VWDE: variants seen among roughly 807,000 people sequenced by gnomAD.
The protein encoded by VWDE is von Willebrand factor D and EGF domains, also known as von Willebrand factor D and EGF domain-containing protein.
A neutral mutation model predicts 178.4 loss-of-function variants in VWDE; 207 were observed. The ratio of observed to expected loss-of-function variants is 1.16; its 90% CI spans 1.04 to 1.30. The LOEUF is 1.30. Among genes scored for constraint, VWDE ranks in the 50% most tolerant of loss-of-function variants. VWDE has a pLI of 0.00. For synonymous variants in VWDE, 738 were observed against 651.4 expected (o/e 1.13, Z -2.02); for missense variants, 2,287 against 1,901.3 (o/e 1.20, Z -3.77).
In VWDE at chr7:12,403,543, G is replaced by A. The variant is rs1009246837; in HGVS notation, c.58+116C>T. ...GGCGGGTGAGGAACAAACATCGCTT[G>A]CTGCCTTAAAACGCACAGGGACGCT... On this transcript the variant is annotated intron_variant, in intron 1 of 28. Transcript: ENST00000275358. 20 of 959,058 alleles carry A rather than the reference G, an allele frequency of 2.1e-5. No homozygotes were observed. In the South Asian group the frequency reaches 3.6e-4, roughly 17 times the overall value. 59.4% of individuals were successfully genotyped at this position (959,058 alleles called of 1,614,324 possible).
Position 12,336,382 on chromosome 7 carries a change from AC to A in VWDE, c.4559-147del, listed in dbSNP as rs1267599473. On this transcript the variant is annotated intron_variant, in intron 26 of 28. Transcript: ENST00000275358. ...ATTTTTCCCTAATATTTTATCAAGA[AC>A]ATTTTTGAATGTCACTACATATTCT... 1.2e-5 allele frequency: 8 copies of A among 667,696 alleles called. No individual in the cohort carries two copies. The Admixed American group carries it at 2.6e-4, about 22-fold the overall frequency. 41.4% of individuals were successfully genotyped at this position (667,696 alleles called of 1,614,324 possible). A position where few individuals can be genotyped will look rare whatever the true frequency, so the allele number is the denominator to read the frequency against.
intron 10 of VWDE, among the ~76,000 whole-genome samples, chr7:12,371,108 C>T (rs1455226881): frequency 6.6e-6 from 1 of 151,956 alleles, no homozygotes; most frequent in Non-Finnish European, 1.5e-5. Context: ...ATATTGCTTG[C>T]AACTTCTTTA....
intron 10 of VWDE, among the ~76,000 whole-genome samples, 176 bp from the exon 11 acceptor site, chr7:12,371,040 G>T (rs1194422746): frequency 2.0e-5 from 3 of 151,722 alleles, no homozygotes; most frequent in Non-Finnish European, 4.4e-5. Context: ...TCAAAATATG[G>T]GTTTTTGCAT....
intron 3 of VWDE, among the ~76,000 whole-genome samples, chr7:12,386,092 A>T (rs1237260760): frequency 1.3e-5 from 2 of 152,118 alleles, no homozygotes; most frequent in Non-Finnish European, 2.9e-5. Flanking sequence ...TTAGTTGTCA[A>T]TGTTTCTTAA....
rs1782556389 is a variant in VWDE, at chr7:12,361,203, A to G, written c.3103T>C (p.Tyr1035His). Residue 1035 changes from tyrosine (Y) to histidine (H), a missense_variant, in exon 15 of 29, where the codon TAT (tyrosine) becomes CAT (histidine). Tyr to His is a moderately conservative substitution (Grantham distance 83). Coordinates refer to ENST00000275358, the MANE Select transcript of VWDE (RefSeq NM_001135924.3). ...KFSNPKITVI[Y>H]DGACQVCGLY... ...CCACAAACTTGGCAAGCACCATCAT[A>G]TATGACCGTTATTTTGGGATTACTG... 2.6e-6 allele frequency: 4 copies of G among 1,548,394 alleles called. No individual in the cohort carries two copies. The highest frequency in any genetic ancestry group is 2.5e-5 in the East Asian group (1 of 40,786).
intron 7 of VWDE, among the ~76,000 whole-genome samples, chr7:12,375,987 T>C (rs1562501596): frequency 6.6e-6 from 1 of 152,066 alleles, no homozygotes; most frequent in African/African-American, 2.4e-5. Flanking sequence ...TCCAAAGTCC[T>C]CCTAAGAATC....
In VWDE at chr7:12,351,611, C is replaced by T. The variant is rs993598327; in HGVS notation, c.3848G>A (p.Arg1283Lys). ...KEEDDKNAQG[R>K]KRHVKPTSGN... is the part of the protein sequence containing the mutation. ...ACTTGTTGGCTTAACATGCCTCTTT[C>T]TCCCTTGGGCATTTTTATCATCCTC... Residue 1283 changes from arginine to lysine, a missense_variant, in exon 19 of 29, where the codon AGA becomes AAA. Transcript: ENST00000275358. 3 of 1,549,894 alleles carry T rather than the reference C, an allele frequency of 1.9e-6. No individual in the cohort carries two copies. The highest frequency in any genetic ancestry group is 1.4e-5 in the African/African-American group (1 of 72,916).
chr7:12,367,602 A>G (rs1462380647), intron 12 of VWDE, 109 bp from the exon 13 acceptor site: 1 of 948,480 alleles, frequency 1.1e-6, no homozygotes, highest in Admixed American at 3.3e-5. Flanking sequence ...AATATTTTAA[A>G]GTATACCTAA....
Position 12,351,650 on chromosome 7 carries a change from C to T in VWDE, c.3809G>A (p.Ser1270Asn). ...TTTATCATCCTCTTCTTTATTTACA[C>T]TTTTATCAGATCTTGTGAGAACCAC... ...QTVVLTRSDK[S>N]VNKEEDDKNA... is the part of the protein sequence containing the mutation. Residue 1270 changes from serine to asparagine, a missense_variant, in exon 19 of 29, where the codon AGT (serine) becomes AAT (asparagine). By Grantham distance (46) the Ser-to-Asn change is conservative (BLOSUM62 1). Coordinates refer to ENST00000275358, the MANE Select transcript of VWDE (RefSeq NM_001135924.3). The T allele has an allele frequency of 6.5e-7, 1 of 1,550,342 alleles. No homozygotes were observed. Among genetic ancestry groups the T allele is most frequent in the Non-Finnish European group, 8.7e-7 (1 of 1,146,362 alleles).
chr7:12,400,140 T>A (rs894955985), intron 1 of VWDE, among the ~76,000 whole-genome samples: 1 of 152,086 alleles, frequency 6.6e-6, no homozygotes. Context: ...AACATCAAGT[T>A]AACCTTGCAC....
At chr7:12,399,145 A>C (rs1017772140) in intron 1 of VWDE, among the ~76,000 whole-genome samples, 11 of 152,194 alleles carry the variant, frequency 7.2e-5, no homozygotes, top group Non-Finnish European at 1.3e-4. Flanking sequence ...AGTTTGCTAA[A>C]TCACTTTACA....
At chr7:12,394,083 G>A (rs1240483202) in intron 1 of VWDE, among the ~76,000 whole-genome samples, 1 of 152,162 alleles carries the variant, frequency 6.6e-6, no homozygotes, top group African/African-American at 2.4e-5. Flanking sequence ...TCTTGAGTTA[G>A]GATGTCAAGT....
chr7:12,377,507 C>G (rs557134255), intron 7 of VWDE: 1 of 231,166 alleles, frequency 4.3e-6, no homozygotes, highest in Non-Finnish European at 8.2e-6. Context: ...AAAAGAGGAG[C>G]GAGAGGAAAA....
chr7:12,367,283 C>T lies in VWDE; in HGVS notation c.2898+74G>A, dbSNP rs1381392369. ...GGATTTATGTTGCTAATTGATAGAC[C>T]GAATTAATCCAAGATAATATTAATC... On this transcript the variant is annotated intron_variant, in intron 13 of 28. Coordinates refer to ENST00000275358, the MANE Select transcript of VWDE (RefSeq NM_001135924.3). 9.8e-6 allele frequency: 12 copies of T among 1,222,844 alleles called. No homozygotes were observed. The East Asian group carries it at 1.2e-4, about 12-fold the overall frequency. 75.7% of individuals were successfully genotyped at this position (1,222,844 alleles called of 1,614,324 possible).
rs137968079 is a variant in VWDE at position 12,361,596 on chromosome 7, A to C, written c.2899-75T>G. ...TTTTGTTAGTAAATTACATATAATG[A>C]AAACATAAATTTTAAAATATATGCC... On this transcript the variant is annotated intron_variant, in intron 13 of 28. Transcript: ENST00000275358. 4.0e-3 allele frequency: 5,476 copies of C among 1,358,900 alleles called. 13 individuals are homozygous for C. The highest frequency in any genetic ancestry group is 4.9e-3 in the Non-Finnish European group (5,051 of 1,024,216). The allele number at this position is 1,358,900 out of a possible 1,614,324, so 84.2% of individuals were successfully genotyped here. A position where few individuals can be genotyped will look rare whatever the true frequency, so the allele number is the denominator to read the frequency against.
At chr7:12,403,257 G>A (rs1784996266) in intron 1 of VWDE, among the ~76,000 whole-genome samples, 1 of 152,108 alleles carries the variant, frequency 6.6e-6, no homozygotes, top group Admixed American at 6.6e-5. Flanking sequence ...GGTTGGAGGT[G>A]GAATTCGTGC....
intron 24 of VWDE, among the ~76,000 whole-genome samples, chr7:12,337,777 A>G (rs1781122782): frequency 6.6e-6 from 1 of 152,162 alleles, no homozygotes; most frequent in Admixed American, 6.5e-5. Context: ...AAATATTTTT[A>G]ACAATAAATC....
At chr7:12,382,750 G>A (rs1168140101) in intron 4 of VWDE, among the ~76,000 whole-genome samples, 1 of 151,654 alleles carries the variant, frequency 6.6e-6, no homozygotes, top group Non-Finnish European at 1.5e-5. Flanking sequence ...CCCATAAAAG[G>A]CTAATATTTC....
intron 16 of VWDE, among the ~76,000 whole-genome samples, chr7:12,358,360 T>A (rs541626122): frequency 8.2e-5 from 9 of 110,358 alleles, no homozygotes; most frequent in Admixed American, 3.1e-4. Context: ...GGAGACAGAA[T>A]GAGATTCTGT....
Sources: gnomAD v4.1 joint callset for allele counts (sites outside exome capture counted in the v4.1 genomes callset) on GRCh38, gnomAD v4.1.1 for gene constraint, MANE v1.5 for transcripts, NCBI Gene and HGNC (gene_info 2026-07-23, HGNC 2026-07-21) for gene names.